The following KIAA1755 variants were observed in gnomAD, a reference collection of about 807,000 sequenced individuals.
The protein encoded by KIAA1755 is KIAA1755.
In KIAA1755, 68 loss-of-function variants were observed where a neutral mutation model predicts 91.7. The ratio of observed to expected loss-of-function variants is 0.74; its 90% CI spans 0.61 to 0.91. The LOEUF (loss-of-function observed/expected upper bound fraction) is 0.91, where lower values mean the gene tolerates loss of function less well. Among genes scored for constraint, KIAA1755 ranks in the 40% least tolerant of loss-of-function variants. KIAA1755 has a pLI of 0.00. For synonymous variants in KIAA1755, 610 were observed against 604.6 expected (o/e 1.01, Z -0.13); for missense variants, 1,535 against 1,494.4 (o/e 1.03, Z -0.45).
chr20:38,257,599 A>C (rs2076361305), intron 1 of KIAA1755, among the ~76,000 whole-genome samples: 1 of 151,752 alleles, frequency 6.6e-6, no homozygotes, highest in Admixed American at 6.6e-5. Context: ...AAAAAAAAAA[A>C]AACCTGAACG....
intron 1 of KIAA1755, among the ~76,000 whole-genome samples, chr20:38,253,071 G>A (rs1041415654): frequency 6.0e-5 from 5 of 83,118 alleles, no homozygotes; most frequent in African/African-American, 1.5e-4. Context: ...CCCGCAGCCC[G>A]GCAGGAGCCA....
Position 38,241,839 on chromosome 20 carries a change from G to T in KIAA1755, c.292C>A (p.Leu98Ile), listed in dbSNP as rs1410400265. 10 of 1,614,068 alleles carry T rather than the reference G, an allele frequency of 6.2e-6. No individual in the cohort carries two copies. Among genetic ancestry groups the T allele is most frequent in the Non-Finnish European group, 8.5e-6 (10 of 1,180,038 alleles). ...VVVHLAPLNPLLLRQGDFYLQ... is the reference protein window; with the variant it reads ...VVVHLAPLNPILLRQGDFYLQ... ...TAGAAGTCACCCTGGCGCAATAAGA[G>T]AGGGTTGAGGGGTGCCAAGTGGACC... The change falls in exon 3 of 14, where the codon CTC becomes ATC. Residue 98 changes from leucine to isoleucine, a missense_variant. Transcript: ENST00000279024.
chr20:38,254,264 G>A (rs763501012), intron 1 of KIAA1755, among the ~76,000 whole-genome samples: 1 of 152,116 alleles, frequency 6.6e-6, no homozygotes, highest in Non-Finnish European at 1.5e-5. Context: ...AGCATCTGCC[G>A]CCTCCTTACT....
intron 1 of KIAA1755, among the ~76,000 whole-genome samples, chr20:38,259,815 C>CACA (rs2076410095): frequency 1.7e-5 from 2 of 114,748 alleles, no homozygotes; most frequent in Non-Finnish European, 3.4e-5. Context: ...CTGCCACCAC[C>CACA]ACCACCACAC....
At chr20:38,247,812 G>A (rs191270455) in intron 1 of KIAA1755, among the ~76,000 whole-genome samples, 1 of 152,352 alleles carries the variant, frequency 6.6e-6, no homozygotes, top group East Asian at 1.9e-4. Context: ...CTATGGGCCA[G>A]GGGTGGTGGC....
Position 38,241,883 on chromosome 20 carries a change from C to T in KIAA1755, c.248G>A (p.Cys83Tyr), listed in dbSNP as rs866060910. 6.2e-7 allele frequency: 1 copy of T among 1,613,832 alleles called. No individual in the cohort carries two copies. Among genetic ancestry groups the T allele is most frequent in the Non-Finnish European group, 8.5e-7 (1 of 1,180,014 alleles). Residue 83 changes from cysteine to tyrosine, a missense_variant, in exon 3 of 14, where the codon TGT (cysteine) becomes TAT (tyrosine). Cys to Tyr is a radical substitution (Grantham distance 194, BLOSUM62 -2). Transcript: ENST00000279024. ...GTGGACCACAACTTCATCCCTCAGA[C>T]AGAGTGGCCAGCCCTCGTGTAAGAA... ...CLFLHEGWPL[C>Y]LRDEVVVHLA...
chr20:38,225,252 TCG>T (rs2075734901), intron 8 of KIAA1755, among the ~76,000 whole-genome samples: 1 of 152,176 alleles, frequency 6.6e-6, no homozygotes, highest in Admixed American at 6.5e-5. Context: ...TCCACCCATC[TCG>T]GCCTCCCAAA....
intron 4 of KIAA1755, among the ~76,000 whole-genome samples, chr20:38,238,204 G>C (rs567327706): frequency 2.6e-5 from 4 of 152,302 alleles, no homozygotes; most frequent in African/African-American, 9.6e-5. Context: ...CTTGGCCCAT[G>C]ATGGCCCTAA....
At chr20:38,222,016 T>C (rs781592058) in intron 10 of KIAA1755, among the ~76,000 whole-genome samples, 2 of 152,216 alleles carry the variant, frequency 1.3e-5, no homozygotes, top group African/African-American at 2.4e-5. Context: ...TACCAGCCGC[T>C]GTCTAGCTGC....
chr20:38,241,547 TTCA>T lies in KIAA1755; in HGVS notation c.581_583del (p.Val194_Asn195delinsAsp). ...GGGCCCCCAGGCTTGGCAGAGGGCA[TTCA>T]CTACTTGGGGTCTGTCATCCACAAA... On this transcript the variant is annotated inframe_deletion, in exon 3 of 14. Transcript: ENST00000279024. The T allele has an allele frequency of 6.2e-7, 1 of 1,614,246 alleles. No individual in the cohort carries two copies. Among genetic ancestry groups the T allele is most frequent in the South Asian group, 1.1e-5 (1 of 91,088 alleles).
At chr20:38,217,992 A>C in intron 12 of KIAA1755, 2 of 538,200 alleles carry the variant, frequency 3.7e-6, no homozygotes, top group Non-Finnish European at 6.6e-6. Context: ...TAGGTCTAGG[A>C]TGGGGCCCTG....
At chr20:38,216,806 T>A in intron 13 of KIAA1755, 1 of 464,086 alleles carries the variant, frequency 2.2e-6, no homozygotes, top group South Asian at 1.5e-5. Context: ...AGGTCTGGCA[T>A]GGTGTACACA....
At chr20:38,218,827 C>A (rs542434203) in intron 11 of KIAA1755, among the ~76,000 whole-genome samples, 1 of 152,300 alleles carries the variant, frequency 6.6e-6, no homozygotes, top group South Asian at 2.1e-4. Context: ...GGGAACTCAC[C>A]ATGTGAACAT....
intron 2 of KIAA1755, among the ~76,000 whole-genome samples, chr20:38,244,097 A>C (rs756979768): frequency 3.3e-5 from 5 of 152,222 alleles, no homozygotes; most frequent in Non-Finnish European, 7.3e-5. Flanking sequence ...CATTACAATT[A>C]GATTAAACTC....
In KIAA1755 at chr20:38,241,442, G is replaced by A. The variant is rs776317952; in HGVS notation, c.689C>T (p.Ala230Val). The A allele has an allele frequency of 3.1e-6, 5 of 1,614,220 alleles. No individual in the cohort carries two copies. The Admixed American group carries it at 5.0e-5, about 16-fold the overall frequency. Reference protein sequence around the residue: ...ASSPDNQVLPAQSLAKGKGRT... With the variant: ...ASSPDNQVLPVQSLAKGKGRT... The stretch of plus-strand genomic sequence containing the variant: ...GCCCTTACCCTTGGCCAAACTCTGG[G>A]CAGGAAGCACCTGGTTGTCTGGGGA... The change falls in exon 3 of 14, where the codon GCC (alanine) becomes GTC (valine). Residue 230 changes from alanine to valine, a missense_variant. Transcript: ENST00000279024.
At chr20:38,256,869 C>A (rs1411374530) in intron 1 of KIAA1755, among the ~76,000 whole-genome samples, 1 of 152,174 alleles carries the variant, frequency 6.6e-6, no homozygotes, top group East Asian at 1.9e-4. Context: ...CTTCCTAATA[C>A]TCATTAAGAT....
intron 9 of KIAA1755, 36 bp from the exon 10 acceptor site, chr20:38,222,633 C>A: frequency 6.2e-7 from 1 of 1,604,982 alleles, no homozygotes. Flanking sequence ...GGCCCCATCC[C>A]CACTCTCCCT....
At chr20:38,248,762 G>C (rs1350309152) in intron 1 of KIAA1755, among the ~76,000 whole-genome samples, 1 of 148,584 alleles carries the variant, frequency 6.7e-6, no homozygotes, top group Non-Finnish European at 1.5e-5. Flanking sequence ...GCAGTGTTCC[G>C]ATCTCTGCTT....
At chr20:38,221,057 G>A (rs1393937963) in intron 10 of KIAA1755, among the ~76,000 whole-genome samples, 2 of 152,214 alleles carry the variant, frequency 1.3e-5, no homozygotes, top group Non-Finnish European at 2.9e-5. Context: ...TGACTTCCTG[G>A]AGGGTGCTTT....
Sources: allele counts gnomAD v4.1 joint callset (sites outside exome capture counted in the v4.1 genomes callset), GRCh38; gene constraint gnomAD v4.1.1; transcripts MANE v1.5; gene names NCBI Gene and HGNC (gene_info 2026-07-23, HGNC 2026-07-21).